The following LSAMP variants were observed in gnomAD, a reference collection of about 807,000 sequenced individuals.
LSAMP encodes limbic system associated membrane protein.
A neutral mutation model predicts 38.6 loss-of-function variants in LSAMP; 7 were observed. The observed-to-expected ratio is 0.18, with a 90% CI of 0.10 to 0.34. The LOEUF (loss-of-function observed/expected upper bound fraction) is 0.34, where lower values mean the gene tolerates loss of function less well. LSAMP is among the 10% of genes least tolerant of loss of function. The pLI, the probability that LSAMP is intolerant of heterozygous loss-of-function variation, is 1.00. For synonymous variants in LSAMP, 154 were observed against 166.8 expected, an observed-to-expected ratio of 0.92 and a Z score of 0.59; for missense variants, 313 against 420.0, an observed-to-expected ratio of 0.75 and a Z score of 2.23.
chr3:116,414,675 CTG>C lies in LSAMP; in HGVS notation c.155+30200_155+30201del, dbSNP rs570417575. ...AAAATGGAGTCTGAGAGAAATCAAA[CTG>C]TGTTTGTTGAACACTTTTTCTATTT... On this transcript the variant is annotated intron_variant, in intron 1 of 6. Coordinates refer to ENST00000490035, the MANE Select transcript of LSAMP (RefSeq NM_002338.5). Among the ~76,000 whole-genome samples the C allele has an allele frequency of 1.1e-4, 16 of 152,236 alleles. No homozygotes were observed. The East Asian group carries it at 2.9e-3, about 28-fold the overall frequency.
At chr3:115,931,874 G>T (rs913635788) in intron 3 of LSAMP, among the ~76,000 whole-genome samples, 1 of 152,102 alleles carries the variant, frequency 6.6e-6, no homozygotes, top group African/African-American at 2.4e-5. Flanking sequence ...GCAGAAGGGA[G>T]ATTTTTACCC....
rs536082670 is a variant in LSAMP, at chr3:116,011,039, T to G, written c.514+8476A>C. Among the ~76,000 whole-genome samples the G allele has an allele frequency of 3.5e-4, 52 of 148,918 alleles. 1 individual carries two copies. Among genetic ancestry groups the G allele is most frequent in the African/African-American group, 1.2e-3 (46 of 38,696 alleles). On this transcript the variant is annotated intron_variant, in intron 3 of 6. Transcript: ENST00000490035. ...TTTTTTTTGAGACAGAGTCTCACTC[T>G]GTTGCCCAGGCTGGAGTGCAGTGGC...
intron 2 of LSAMP, among the ~76,000 whole-genome samples, chr3:116,033,198 C>T (rs1302064484): frequency 6.6e-6 from 1 of 152,042 alleles, no homozygotes; most frequent in Non-Finnish European, 1.5e-5. Context: ...TCAATTTGGC[C>T]AACATGAAAT....
chr3:116,156,030 G>A (rs1709739715), intron 1 of LSAMP, among the ~76,000 whole-genome samples: 1 of 152,156 alleles, frequency 6.6e-6, no homozygotes, highest in African/African-American at 2.4e-5. Flanking sequence ...CATATGAAGT[G>A]CAAGGGGCCG....
intron 1 of LSAMP, among the ~76,000 whole-genome samples, chr3:116,369,200 A>T (rs142550923): frequency 2.2e-4 from 33 of 152,312 alleles, no homozygotes; most frequent in Middle Eastern, 3.4e-3. Flanking sequence ...AAGGAATACA[A>T]CAATAAATAA....
intron 1 of LSAMP, among the ~76,000 whole-genome samples, chr3:116,201,997 C>T (rs1406374282): frequency 6.6e-6 from 1 of 152,082 alleles, no homozygotes; most frequent in East Asian, 1.9e-4. Flanking sequence ...CATAAACTCC[C>T]CTCTTCCCCT....
intron 3 of LSAMP, among the ~76,000 whole-genome samples, chr3:115,902,881 T>G (rs551396738): frequency 6.6e-6 from 1 of 152,314 alleles, no homozygotes; most frequent in Non-Finnish European, 1.5e-5. Flanking sequence ...GCAACATCTA[T>G]GAACTGTTGG....
chr3:116,286,351 A>G (rs113983062), intron 1 of LSAMP, among the ~76,000 whole-genome samples: 1,783 of 152,266 alleles, frequency 0.012, 27 homozygotes, highest in African/African-American at 0.037. Context: ...TGTTGAATAC[A>G]TTATCTGCTG....
At chr3:115,918,825 G>A (rs1426037675) in intron 3 of LSAMP, among the ~76,000 whole-genome samples, 1 of 150,664 alleles carries the variant, frequency 6.6e-6, no homozygotes, top group African/African-American at 2.4e-5. Flanking sequence ...ATCAGATAAT[G>A]CTATCATTTA....
At chr3:116,071,628 C>A (rs1208943058) in intron 2 of LSAMP, among the ~76,000 whole-genome samples, 1 of 152,090 alleles carries the variant, frequency 6.6e-6, no homozygotes, top group Non-Finnish European at 1.5e-5. Context: ...GGTACACTGG[C>A]AGGATGTGCA....
intron 3 of LSAMP, among the ~76,000 whole-genome samples, chr3:116,016,095 T>G (rs1940474539): frequency 6.6e-6 from 1 of 152,150 alleles, no homozygotes; most frequent in Non-Finnish European, 1.5e-5. Flanking sequence ...TCTTTGGGTC[T>G]CTTCCACATA....
intron 3 of LSAMP, among the ~76,000 whole-genome samples, chr3:115,953,263 T>C (rs1938348482): frequency 6.6e-6 from 1 of 152,176 alleles, no homozygotes; most frequent in South Asian, 2.1e-4. Context: ...TAGGTGATTT[T>C]CCAAGGCAAA....
At chr3:116,033,303 T>A (rs1051447566) in intron 2 of LSAMP, among the ~76,000 whole-genome samples, 2 of 152,086 alleles carry the variant, frequency 1.3e-5, no homozygotes, top group Non-Finnish European at 2.9e-5. Flanking sequence ...CTTCCACAAA[T>A]AAATCCCAAA....
At position 116,220,350 on chromosome 3, in the gene LSAMP, G is replaced by GACACACACAC. The variant is rs10575234; in HGVS notation, c.156-133804_156-133795dup. ...CCATTTTGCCTTGTCATTTGCATAT[G>GACACACACAC]ACACACACACACACACACACACACA... is the stretch of plus-strand genomic sequence containing the variant. On this transcript the variant is annotated intron_variant, in intron 1 of 6. Coordinates refer to ENST00000490035, the MANE Select transcript of LSAMP (RefSeq NM_002338.5). 3.3e-4 allele frequency among the ~76,000 whole-genome samples: 46 copies of GACACACACAC among 138,592 alleles called. 1 individual carries two copies. Among genetic ancestry groups the GACACACACAC allele is most frequent in the South Asian group, 1.7e-3 (7 of 4,148 alleles). The allele number at this position is 138,592 out of a possible 152,430, so 90.9% of individuals were successfully genotyped here.
intron 3 of LSAMP, among the ~76,000 whole-genome samples, chr3:115,899,507 C>A (rs1159336080): frequency 1.3e-5 from 2 of 152,086 alleles, no homozygotes; most frequent in African/African-American, 4.8e-5. Flanking sequence ...CTGTGATTAC[C>A]CTTGTATACA....
chr3:115,852,375 G>A, intron 4 of LSAMP, 108 bp downstream of exon 4: 2 of 1,301,258 alleles, frequency 1.5e-6, no homozygotes, highest in East Asian at 4.9e-5. Flanking sequence ...GGCCAGAGGA[G>A]CATCTGCTTG....
chr3:116,358,236 C>A (rs2048251947), intron 1 of LSAMP, among the ~76,000 whole-genome samples: 1 of 152,176 alleles, frequency 6.6e-6, no homozygotes, highest in Non-Finnish European at 1.5e-5. Context: ...GAAAAGAATT[C>A]TAGCAGGCCA....
At chr3:116,424,226 C>G (rs2049165681) in intron 1 of LSAMP, among the ~76,000 whole-genome samples, 1 of 152,172 alleles carries the variant, frequency 6.6e-6, no homozygotes, top group African/African-American at 2.4e-5. Context: ...ATGTATGTGA[C>G]ATGTCTTTAG....
chr3:116,258,381 T>C (rs1298348093), intron 1 of LSAMP, among the ~76,000 whole-genome samples: 1 of 152,110 alleles, frequency 6.6e-6, no homozygotes, highest in Non-Finnish European at 1.5e-5. Flanking sequence ...ATTTAATTCT[T>C]CTGTATCTTT....
Sources: gnomAD v4.1 joint callset for allele counts (sites outside exome capture counted in the v4.1 genomes callset) on GRCh38, gnomAD v4.1.1 for gene constraint, MANE v1.5 for transcripts, NCBI Gene and HGNC (gene_info 2026-07-23, HGNC 2026-07-21) for gene names.